NRK: variants seen among roughly 807,000 people sequenced by gnomAD.
NRK encodes the protein nik-related protein kinase.
Under a neutral mutation model 125.2 loss-of-function variants are expected in NRK, and 67 were observed. The observed-to-expected ratio is 0.54, with a 90% CI of 0.44 to 0.66. The LOEUF (loss-of-function observed/expected upper bound fraction) is 0.66, where lower values mean the gene tolerates loss of function less well. NRK is among the 30% of genes least tolerant of loss of function. The pLI is 0.00. For synonymous variants in NRK, 458 were observed against 429.0 expected, an observed-to-expected ratio of 1.07 and a Z score of -0.84; for missense variants, 1,224 against 1,192.9, an observed-to-expected ratio of 1.03 and a Z score of -0.38.
At chrX:105,887,598 G>C (rs1440869078) in intron 4 of NRK, among the ~76,000 whole-genome samples, 1 of 112,013 alleles carries the variant, frequency 8.9e-6, no homozygotes, top group Non-Finnish European at 1.9e-5. Flanking sequence ...CTAAATGGTA[G>C]AAATAGCCCA....
At chrX:105,829,373 C>T (rs2039157002) in intron 1 of NRK, among the ~76,000 whole-genome samples, 1 of 111,983 alleles carries the variant, frequency 8.9e-6, no homozygotes, top group South Asian at 3.6e-4. Flanking sequence ...TTATATTTAT[C>T]ACAGCAATAA....
chrX:105,844,835 CAA>C (rs1425014442), intron 2 of NRK, among the ~76,000 whole-genome samples: 2 of 111,870 alleles, frequency 1.8e-5, no homozygotes, highest in Non-Finnish European at 3.8e-5. Context: ...CCTCACTCTA[CAA>C]AACAGGAGAA....
intron 15 of NRK, among the ~76,000 whole-genome samples, chrX:105,917,086 G>A (rs1451678084): frequency 9.0e-6 from 1 of 110,956 alleles, no homozygotes; most frequent in African/African-American, 3.3e-5. Flanking sequence ...TAGTAAGAAC[G>A]AAAGTGCTCT....
intron 2 of NRK, among the ~76,000 whole-genome samples, chrX:105,847,963 C>T (rs960683149): frequency 8.9e-6 from 1 of 111,959 alleles, no homozygotes; most frequent in Non-Finnish European, 1.9e-5. Context: ...CTCTTATCAT[C>T]CTATGAAAAA....
At chrX:105,866,078 G>A (rs751521581) in intron 2 of NRK, among the ~76,000 whole-genome samples, 1 of 108,351 alleles carries the variant, frequency 9.2e-6, no homozygotes, top group Admixed American at 9.8e-5. Context: ...TCTCTGTTAT[G>A]AATTCTCAAA....
At chrX:105,863,463 C>G (rs1193267627) in intron 2 of NRK, among the ~76,000 whole-genome samples, 1 of 111,309 alleles carries the variant, frequency 9.0e-6, no homozygotes, top group African/African-American at 3.3e-5. Context: ...TTTCCACTTT[C>G]ATTAAAGCCC....
rs1159292606 is a variant in NRK, at chrX:105,958,190, G to A, written c.*2590G>A. 8.9e-6 allele frequency: 1 copy of A among 112,310 alleles called. No individual in the cohort carries two copies. The highest frequency in any genetic ancestry group is 1.9e-5 in the Non-Finnish European group (1 of 53,264). 9.3% of individuals were successfully genotyped at this position (112,310 alleles called of 1,213,427 possible). A position where few individuals can be genotyped will look rare whatever the true frequency, so the allele number is the denominator to read the frequency against. ...CTAGAAAATGATGGATAAAAGGGCT[G>A]ATAAGAAAATTTCTGACTGTCAGTA... On this transcript the variant is annotated 3_prime_UTR_variant, in exon 29 of 29. Transcript: ENST00000243300.
At chrX:105,938,674 T>C (rs1347656409) in intron 22 of NRK, among the ~76,000 whole-genome samples, 1 of 112,072 alleles carries the variant, frequency 8.9e-6, no homozygotes, top group Non-Finnish European at 1.9e-5. Context: ...CAAACAGTAC[T>C]GAGAACATCA....
At chrX:105,892,756 A>C (rs1233476516) in intron 5 of NRK, among the ~76,000 whole-genome samples, 5 of 111,561 alleles carry the variant, frequency 4.5e-5, no homozygotes, top group Non-Finnish European at 9.4e-5. Context: ...GTGAAAGTGT[A>C]CTCAGGTGAA....
At position 105,888,321 on chromosome X, in the gene NRK, C is replaced by G; in HGVS notation, c.280C>G (p.Leu94Val). ...SDEEEDLRTE[L>V]NLLRKYSFHK... ...TGAGGAAGAGGATCTCAGGACTGAACTCAACCTTCTGAGGAAGTACTCTTT... is the reference window on the plus strand; with the variant it reads ...TGAGGAAGAGGATCTCAGGACTGAAGTCAACCTTCTGAGGAAGTACTCTTT... The change falls in exon 5 of 29, where the codon CTC (leucine) becomes GTC (valine). Residue 94 changes from leucine (L) to valine (V), a missense_variant. Leu to Val is a conservative substitution (Grantham distance 32, BLOSUM62 1). Coordinates refer to ENST00000243300, the MANE Select transcript of NRK (RefSeq NM_198465.4). The G allele has an allele frequency of 8.4e-7, 1 of 1,193,417 alleles. No individual in the cohort carries two copies. Among genetic ancestry groups the G allele is most frequent in the Non-Finnish European group, 1.1e-6 (1 of 882,733 alleles).
Position 105,854,110 on chromosome X carries a change from G to T in NRK, c.123+22991G>T, listed in dbSNP as rs139163009. The stretch of plus-strand genomic sequence containing the variant: ...GGCTTAGAATTTGCTAAATGTTTCT[G>T]CAGAACTTTCAGATCTGGAAACCTG... On this transcript the variant is annotated intron_variant, in intron 2 of 28. Transcript: ENST00000243300. Among the ~76,000 whole-genome samples, 785 of 111,937 alleles carry T rather than the reference G, an allele frequency of 7.0e-3. 3 individuals are homozygous for T. Among genetic ancestry groups the T allele is most frequent in the Non-Finnish European group, 0.012 (627 of 53,147 alleles).
intron 6 of NRK, among the ~76,000 whole-genome samples, chrX:105,894,428 A>G (rs1398643239): frequency 3.6e-5 from 4 of 111,828 alleles, no homozygotes; most frequent in Non-Finnish European, 7.5e-5. Context: ...GGATGAGAGC[A>G]ACAATCTTCT....
chrX:105,946,308 T>G lies in NRK; in HGVS notation c.4204-7T>G. On this transcript the variant is annotated splice_region_variant and splice_polypyrimidine_tract_variant and intron_variant, in intron 25 of 28. Transcript: ENST00000243300. Reference sequence around the variant, plus strand: ...CCTTTTGGCCATATTTGGTTTTATATTCACAGGTATTTCCAACACTTGATC... The same window carrying G: ...CCTTTTGGCCATATTTGGTTTTATAGTCACAGGTATTTCCAACACTTGATC... The G allele has an allele frequency of 1.7e-6, 2 of 1,191,705 alleles. No individual in the cohort carries two copies. The highest frequency in any genetic ancestry group is 2.3e-6 in the Non-Finnish European group (2 of 884,427).
chrX:105,835,665 G>A (rs528925413), intron 2 of NRK, among the ~76,000 whole-genome samples: 1 of 107,471 alleles, frequency 9.3e-6, no homozygotes, highest in East Asian at 2.9e-4. Flanking sequence ...GCTGCAGTAG[G>A]TCTTCATCTT....
chrX:105,890,844 T>A (rs779067868), intron 5 of NRK, among the ~76,000 whole-genome samples: 14 of 111,677 alleles, frequency 1.3e-4, no homozygotes, highest in African/African-American at 3.6e-4. Context: ...AACCATATCA[T>A]GTGGCAAAAT....
intron 2 of NRK, among the ~76,000 whole-genome samples, chrX:105,834,234 T>A (rs1239770598): frequency 8.9e-6 from 1 of 111,927 alleles, no homozygotes; most frequent in East Asian, 2.8e-4. Context: ...TTGAAAGATA[T>A]TCACACTGTG....
In NRK at chrX:105,937,501, G is replaced by T; in HGVS notation, c.3718G>T (p.Asp1240Tyr). 1 of 1,196,891 alleles carries T rather than the reference G, an allele frequency of 8.4e-7. No individual in the cohort carries two copies. ...LYLMDRSGKADITKLIRRRPF... is the reference protein window; with the variant it reads ...LYLMDRSGKAYITKLIRRRPF... Reference sequence around the variant, plus strand: ...TCTGATGGACAGAAGTGGAAAGGCTGACATTACTAAACTTATAAGGCGAAG... The same window carrying T: ...TCTGATGGACAGAAGTGGAAAGGCTTACATTACTAAACTTATAAGGCGAAG... The change falls in exon 22 of 29, where the codon GAC becomes TAC. Residue 1240 changes from aspartate (D) to tyrosine (Y), a missense_variant. By Grantham distance (160) the Asp-to-Tyr change is radical. Transcript: ENST00000243300.
intron 28 of NRK, among the ~76,000 whole-genome samples, chrX:105,954,125 T>C (rs2040941225): frequency 9.0e-6 from 1 of 111,541 alleles, no homozygotes. Context: ...TTGGGAACAA[T>C]TGTGACAACT....
At chrX:105,830,624 A>G (rs751912024) in intron 1 of NRK, among the ~76,000 whole-genome samples, 1 of 111,115 alleles carries the variant, frequency 9.0e-6, no homozygotes, top group Non-Finnish European at 1.9e-5. Flanking sequence ...CAGATTGGAA[A>G]TACCACTTAA....
Sources: allele counts gnomAD v4.1 joint callset (sites outside exome capture counted in the v4.1 genomes callset), GRCh38; gene constraint gnomAD v4.1.1; transcripts MANE v1.5; gene names NCBI Gene and HGNC (gene_info 2026-07-23, HGNC 2026-07-21).